Variants in PCDHGB5 observed in about 807,000 individuals in gnomAD.
The protein encoded by PCDHGB5 is protocadherin gamma subfamily B, 5, also known as protocadherin gamma-B5.
Under a neutral mutation model 62.9 loss-of-function variants are expected in PCDHGB5, and 48 were observed. The ratio of observed to expected loss-of-function variants is 0.76; its 90% CI spans 0.61 to 0.97. The LOEUF (loss-of-function observed/expected upper bound fraction) is 0.97, where lower values mean the gene tolerates loss of function less well. Ranked by LOEUF, PCDHGB5 falls within the 50% of genes least tolerant of loss-of-function variation. The pLI, the probability that PCDHGB5 is intolerant of heterozygous loss-of-function variation, is 0.00. For synonymous variants in PCDHGB5, 474 were observed against 511.2 expected (o/e 0.93, Z 0.98); for missense variants, 1,118 against 1,198.6 (o/e 0.93, Z 0.99).
rs965707754 is a variant in PCDHGB5 at position 141,505,329 on chromosome 5, G to A, written c.2457-64G>A. On this transcript the variant is annotated intron_variant, in intron 2 of 3. Coordinates refer to ENST00000617380, the MANE Select transcript of PCDHGB5 (RefSeq NM_018925.3). ...ACTAGGTTTGGGAGCCCTGGGAGAG[G>A]ACAGGAGGGGCATGAGCTGTGCCGG... is the stretch of plus-strand genomic sequence containing the variant. The A allele has an allele frequency of 2.5e-6, 4 of 1,610,060 alleles. No individual in the cohort carries two copies. The African/African-American group carries it at 5.3e-5, about 22-fold the overall frequency.
chr5:141,415,078 G>C, intron 1 of PCDHGB5: 1 of 1,613,494 alleles, frequency 6.2e-7, no homozygotes, highest in Non-Finnish European at 8.5e-7. Context: ...CACGGCGCGA[G>C]CCCTGCTGGA....
Position 141,431,804 on chromosome 5 carries a change from C to G in PCDHGB5, c.2397+31280C>G. On this transcript the variant is annotated intron_variant, in intron 1 of 3. Transcript: ENST00000617380. This position sits in a 1 kb window ranked among gnomAD's most constrained non-coding sequence, Gnocchi z 4.8. Reference sequence around the variant, plus strand: ...GAACGACAATGCCCCAGAAGTGGTCCTCACCTCTCTCGCCAGCTCGGTTCC... The same window carrying G: ...GAACGACAATGCCCCAGAAGTGGTCGTCACCTCTCTCGCCAGCTCGGTTCC... 6.2e-7 allele frequency: 1 copy of G among 1,614,232 alleles called. No homozygotes were observed. The highest frequency in any genetic ancestry group is 1.3e-5 in the African/African-American group (1 of 75,056).
chr5:141,399,419 G>T lies in PCDHGB5; in HGVS notation c.1292G>T (p.Ser431Ile), dbSNP rs778389329. The T allele has an allele frequency of 6.2e-7, 1 of 1,614,000 alleles. No individual in the cohort carries two copies. Among genetic ancestry groups the T allele is most frequent in the Admixed American group, 1.7e-5 (1 of 60,032 alleles). Residue 431 changes from serine to isoleucine, a missense_variant, in exon 1 of 4, where the codon AGC (serine) becomes ATC (isoleucine). By Grantham distance (142) the Ser-to-Ile change is moderately radical. Transcript: ENST00000617380. Reference protein sequence around the residue: ...TDRGKPPLSSSISVILHIRDV... With the variant: ...TDRGKPPLSSIISVILHIRDV... ...AGGGGCAAGCCGCCCCTCTCCTCCA[G>T]CATAAGCGTCATCCTACATATCAGA... is the stretch of plus-strand genomic sequence containing the variant.
At chr5:141,463,808 T>C (rs1018369312) in intron 1 of PCDHGB5, among the ~76,000 whole-genome samples, 2 of 152,196 alleles carry the variant, frequency 1.3e-5, no homozygotes, top group African/African-American at 4.8e-5. Flanking sequence ...CTAAAAGCTT[T>C]TATCACACAT....
At chr5:141,422,789 TC>T (rs1561803924) in intron 1 of PCDHGB5, 44 of 1,614,158 alleles carry the variant, frequency 2.7e-5, no homozygotes, top group Non-Finnish European at 3.6e-5. Context: ...CTACAATCCT[TC>T]GACTATGAGC....
intron 1 of PCDHGB5, chr5:141,414,163 G>A (rs1455950284): frequency 5.6e-6 from 9 of 1,603,256 alleles, no homozygotes; most frequent in Non-Finnish European, 7.7e-6. Flanking sequence ...AGATGGAGGA[G>A]CATATCTTGC....
chr5:141,414,469 G>T (rs944183814), intron 1 of PCDHGB5: 1 of 1,613,742 alleles, frequency 6.2e-7, no homozygotes, highest in African/African-American at 1.3e-5. Context: ...CACAGATGGG[G>T]GAAGTCCTCC....
At chr5:141,429,378 T>TTTG (rs2097208019) in intron 1 of PCDHGB5, among the ~76,000 whole-genome samples, 1 of 105,336 alleles carries the variant, frequency 9.5e-6, no homozygotes, top group African/African-American at 5.2e-5. Flanking sequence ...AGAAAATGTG[T>TTTG]TTTTTTTTTA....
chr5:141,421,736 G>A lies in PCDHGB5; in HGVS notation c.2397+21212G>A, dbSNP rs767237323. 5.3e-5 allele frequency: 86 copies of A among 1,613,810 alleles called. No individual in the cohort carries two copies. The highest frequency in any genetic ancestry group is 6.9e-5 in the Non-Finnish European group (82 of 1,179,858). Reference sequence around the variant, plus strand: ...GATGTGGGCGTGAACTCCCTCCAGAGCTACCAGCTCAGCCCTAATAATTAC... The same window carrying A: ...GATGTGGGCGTGAACTCCCTCCAGAACTACCAGCTCAGCCCTAATAATTAC... On this transcript the variant is annotated intron_variant, in intron 1 of 3. Transcript: ENST00000617380.
chr5:141,473,848 A>T (rs1281010822), intron 1 of PCDHGB5, among the ~76,000 whole-genome samples: 1 of 152,198 alleles, frequency 6.6e-6, no homozygotes, highest in Non-Finnish European at 1.5e-5. Flanking sequence ...TTTTAGGAAG[A>T]TGAACCTCGC....
At chr5:141,500,582 T>G (rs534297929) in intron 2 of PCDHGB5, among the ~76,000 whole-genome samples, 29 of 152,314 alleles carry the variant, frequency 1.9e-4, no homozygotes, top group African/African-American at 6.7e-4. Flanking sequence ...ATGTGACACT[T>G]TATTCACATA....
intron 1 of PCDHGB5, chr5:141,408,367 G>T: frequency 6.2e-7 from 1 of 1,613,998 alleles, no homozygotes; most frequent in Non-Finnish European, 8.5e-7. Context: ...AGGATCTAGG[G>T]CTCAGTGTCC....
At chr5:141,435,803 T>C (rs551682061) in intron 1 of PCDHGB5, among the ~76,000 whole-genome samples, 1 of 152,178 alleles carries the variant, frequency 6.6e-6, no homozygotes, top group South Asian at 2.1e-4. Context: ...ACGTCCCAAT[T>C]ATTTTTTCTT....
At chr5:141,412,935 G>T in intron 1 of PCDHGB5, 1 of 453,864 alleles carries the variant, frequency 2.2e-6, no homozygotes, top group East Asian at 3.4e-5. Flanking sequence ...AACTTCTTAG[G>T]ACTCTGAGCG....
rs1035125527 is a variant in PCDHGB5, at chr5:141,485,059, C to T, written c.2398-9748C>T. The T allele has an allele frequency of 7.0e-6, 6 of 858,958 alleles. No homozygotes were observed. The highest frequency in any genetic ancestry group is 2.4e-5 in the East Asian group (1 of 40,854). 53.2% of individuals were successfully genotyped at this position (858,958 alleles called of 1,614,324 possible). A position where few individuals can be genotyped will look rare whatever the true frequency, so the allele number is the denominator to read the frequency against. ...AACCCTTGCGGCGCCGGCCGAACCG[C>T]GCCAGAGCTGGCGCGGGGAAAGGGA... On this transcript the variant is annotated intron_variant, in intron 1 of 3. Coordinates refer to ENST00000617380, the MANE Select transcript of PCDHGB5 (RefSeq NM_018925.3). This position sits in a 1 kb window ranked among gnomAD's most constrained non-coding sequence, Gnocchi z 5.7.
intron 1 of PCDHGB5, among the ~76,000 whole-genome samples, chr5:141,450,814 A>ATT (rs755856825): frequency 0.033 from 4,450 of 136,778 alleles, 81 homozygotes; most frequent in Middle Eastern, 0.081. Context: ...TTATTTATTT[A>ATT]ATATTATTAT....
chr5:141,446,191 T>C (rs2098492956), intron 1 of PCDHGB5, among the ~76,000 whole-genome samples: 1 of 152,206 alleles, frequency 6.6e-6, no homozygotes, highest in Non-Finnish European at 1.5e-5. Flanking sequence ...TGTTTATTAT[T>C]ATATTCCTAG....
Position 141,486,544 on chromosome 5 carries a change from G to C in PCDHGB5, c.2398-8263G>C, listed in dbSNP as rs1376583724. Reference sequence around the variant, plus strand: ...ATGATAATCCACCCTCTTTCTTTCAGAGGTCACATGAGGTGTTTGTTCCTG... The same window carrying C: ...ATGATAATCCACCCTCTTTCTTTCACAGGTCACATGAGGTGTTTGTTCCTG... On this transcript the variant is annotated intron_variant, in intron 1 of 3. Coordinates refer to ENST00000617380, the MANE Select transcript of PCDHGB5 (RefSeq NM_018925.3). The surrounding 1 kb of genome is among the most constrained non-coding windows in gnomAD (Gnocchi z 5.0). The C allele has an allele frequency of 6.2e-7, 1 of 1,613,964 alleles. No homozygotes were observed. The highest frequency in any genetic ancestry group is 1.3e-5 in the African/African-American group (1 of 74,932).
intron 1 of PCDHGB5, among the ~76,000 whole-genome samples, chr5:141,450,726 A>G (rs1302961852): frequency 2.0e-5 from 3 of 151,932 alleles, no homozygotes; most frequent in Admixed American, 2.0e-4. Flanking sequence ...ACCTCAGGTG[A>G]TCCGCCCGCC....
Sources: gnomAD v4.1 joint callset for allele counts (sites outside exome capture counted in the v4.1 genomes callset) on GRCh38, gnomAD v4.1.1 for gene constraint, Gnocchi (gnomAD v3.1) non-coding constraint, MANE v1.5 for transcripts, NCBI Gene and HGNC (gene_info 2026-07-23, HGNC 2026-07-21) for gene names.